Variants in PUM2 observed in about 807,000 individuals in gnomAD.
PUM2 encodes the protein pumilio homolog 2.
Under a neutral mutation model 124.5 loss-of-function variants are expected in PUM2, and 57 were observed. The ratio of observed to expected loss-of-function variants is 0.46; its 90% CI spans 0.37 to 0.57. The LOEUF is 0.57. PUM2 is among the 20% of genes least tolerant of loss of function. PUM2 has a pLI of 0.00. For missense variants in PUM2, 1,065 were observed against 1,290.6 expected (o/e 0.83, Z 2.68); for synonymous variants, 460 against 446.1 (o/e 1.03, Z -0.39).
In PUM2 at chr2:20,275,613, G is replaced by A. The variant is rs560081491; in HGVS notation, c.1957+2970C>T. 3.9e-5 allele frequency among the ~76,000 whole-genome samples: 6 copies of A among 152,152 alleles called. No individual in the cohort carries two copies. The East Asian group carries it at 5.8e-4, about 15-fold the overall frequency. The stretch of plus-strand genomic sequence containing the variant: ...TCTCACAATGGAGACAACCAAACAC[G>A]TGTCTCCCGATACAGTGCAACAAAA... On this transcript the variant is annotated intron_variant, in intron 13 of 20. Coordinates refer to ENST00000361078, the MANE Select transcript of PUM2 (RefSeq NM_015317.5).
Position 20,253,914 on chromosome 2 carries a change from A to G in PUM2, c.2971T>C (p.Tyr991His), listed in dbSNP as rs1664119761. 2 of 1,613,888 alleles carry G rather than the reference A, an allele frequency of 1.2e-6. No individual in the cohort carries two copies. Among genetic ancestry groups the G allele is most frequent in the Non-Finnish European group, 1.7e-6 (2 of 1,179,770 alleles). ...CQNDGPHSAL[Y>H]TMMKDQYANY... ...GCATACTGGTCCTTCATCATGGTGT[A>G]TAAGGCACTGTGAGGACCATCATTC... The change falls in exon 20 of 21, where the codon TAC becomes CAC. Residue 991 changes from tyrosine (Y) to histidine (H), a missense_variant. Around this residue, in one of 3 missense-constraint regions of PUM2, gnomAD observed 968 missense variants for 1,159.8 expected, o/e 0.83. Coordinates refer to ENST00000361078, the MANE Select transcript of PUM2 (RefSeq NM_015317.5).
intron 13 of PUM2, among the ~76,000 whole-genome samples, chr2:20,278,063 A>T (rs1382046028): frequency 6.6e-6 from 1 of 152,178 alleles, no homozygotes; most frequent in Non-Finnish European, 1.5e-5. Flanking sequence ...TAACATATCC[A>T]AAAAAGAAGT....
rs948161698 is a variant in PUM2 at position 20,283,419 on chromosome 2, T to C, written c.1359A>G (p.Ala453=). Residue 453 remains alanine, a synonymous_variant, in exon 11 of 21, where the codon GCA becomes GCG. Transcript: ENST00000361078. ...GAACTGGAGCTCCAAGGCCAGTCCTTGCTCCAGGGCCAACCACTAAGGCAC... is the reference window on the plus strand; with the variant it reads ...GAACTGGAGCTCCAAGGCCAGTCCTCGCTCCAGGGCCAACCACTAAGGCAC... ...QTGALVVGPG[A]RTGLGAPVRL... is the part of the protein sequence containing the mutation. 2 of 1,613,976 alleles carry C rather than the reference T, an allele frequency of 1.2e-6. No individual in the cohort carries two copies. The highest frequency in any genetic ancestry group is 1.3e-5 in the African/African-American group (1 of 74,946).
intron 10 of PUM2, among the ~76,000 whole-genome samples, chr2:20,286,082 A>T (rs1475043555): frequency 6.6e-6 from 1 of 152,186 alleles, no homozygotes; most frequent in Non-Finnish European, 1.5e-5. Context: ...GGTCACTGTT[A>T]ATAACTTGAG....
At chr2:20,253,337 C>A (rs146401865) in intron 20 of PUM2, among the ~76,000 whole-genome samples, 385 of 152,270 alleles carry the variant, frequency 2.5e-3, no homozygotes, top group Admixed American at 6.5e-3. Flanking sequence ...GCCTGAGTAG[C>A]TGGGACCACA....
At chr2:20,305,438 G>T (rs114319991) in intron 7 of PUM2, among the ~76,000 whole-genome samples, 1,905 of 142,532 alleles carry the variant, frequency 0.013, 66 homozygotes, top group African/African-American at 0.046. Context: ...CTCCAGTCTG[G>T]GTGACAGAGT....
intron 7 of PUM2, among the ~76,000 whole-genome samples, chr2:20,302,823 A>C (rs1415698348): frequency 6.6e-6 from 1 of 152,230 alleles, no homozygotes; most frequent in Non-Finnish European, 1.5e-5. Flanking sequence ...TGCAGAAAGA[A>C]ATGCAGAAAC....
intron 1 of PUM2, among the ~76,000 whole-genome samples, chr2:20,348,719 C>G (rs1331662458): frequency 2.6e-5 from 4 of 152,020 alleles, no homozygotes; most frequent in East Asian, 3.9e-4. Context: ...CGCTTGAGAT[C>G]GGAGTTCAGC....
At chr2:20,322,193 C>T (rs7565347) in intron 2 of PUM2, among the ~76,000 whole-genome samples, 10,159 of 152,102 alleles carry the variant, frequency 0.067, 498 homozygotes, top group African/African-American at 0.14. Context: ...TATTAATAAT[C>T]ATGCCATGAG....
chr2:20,312,877 A>T (rs1558620830), intron 3 of PUM2, among the ~76,000 whole-genome samples: 1 of 152,190 alleles, frequency 6.6e-6, no homozygotes, highest in Non-Finnish European at 1.5e-5. Context: ...AGATATATAG[A>T]TCAACGGAAC....
intron 10 of PUM2, among the ~76,000 whole-genome samples, chr2:20,286,430 A>G (rs1342405902): frequency 6.6e-6 from 1 of 152,228 alleles, no homozygotes. Context: ...TATGATAAAG[A>G]TGGACATCAT....
In PUM2 at chr2:20,268,478, T is replaced by C. The variant is rs1259989063; in HGVS notation, c.1958-5018A>G. 3.9e-5 allele frequency among the ~76,000 whole-genome samples: 6 copies of C among 151,910 alleles called. No homozygotes were observed. The East Asian group carries it at 1.2e-3, about 29-fold the overall frequency. On this transcript the variant is annotated intron_variant, in intron 13 of 20. Coordinates refer to ENST00000361078, the MANE Select transcript of PUM2 (RefSeq NM_015317.5). ...TGTATGTGTAAAAAAATTAGCTGGG[T>C]GTGGTGGCGTACGCCTGTAGTCCCA...
intron 9 of PUM2, among the ~76,000 whole-genome samples, chr2:20,292,296 G>GTT (rs76264694): frequency 8.0e-5 from 11 of 138,314 alleles, no homozygotes; most frequent in African/African-American, 7.9e-5. Context: ...ACAGTTGGTA[G>GTT]TTTTTTTTTT....
intron 7 of PUM2, among the ~76,000 whole-genome samples, chr2:20,301,287 A>G (rs184903576): frequency 1.3e-5 from 2 of 152,314 alleles, no homozygotes; most frequent in South Asian, 2.1e-4. Context: ...TCTATCATGA[A>G]TTATCTTTAT....
chr2:20,321,267 C>G (rs952537064), intron 2 of PUM2, among the ~76,000 whole-genome samples: 1 of 151,776 alleles, frequency 6.6e-6, no homozygotes, highest in African/African-American at 2.4e-5. Context: ...AGCCTGGCGA[C>G]AGAGCGAGAC....
chr2:20,266,398 T>C (rs958547507), intron 13 of PUM2, among the ~76,000 whole-genome samples: 2 of 149,866 alleles, frequency 1.3e-5, no homozygotes, highest in Non-Finnish European at 3.0e-5. Flanking sequence ...TGAGATGAGA[T>C]TGTGCCACTG....
chr2:20,261,312 A>C (rs1666149272), intron 14 of PUM2, among the ~76,000 whole-genome samples: 1 of 145,292 alleles, frequency 6.9e-6, no homozygotes, highest in Admixed American at 7.1e-5. Context: ...AATCACTTGA[A>C]CCCAGGAGGC....
At position 20,278,792 on chromosome 2, in the gene PUM2, G is replaced by A; in HGVS notation, c.1748C>T (p.Thr583Ile). 2 of 1,613,072 alleles carry A rather than the reference G, an allele frequency of 1.2e-6. No individual in the cohort carries two copies. Among genetic ancestry groups the A allele is most frequent in the Non-Finnish European group, 1.7e-6 (2 of 1,179,386 alleles). Residue 583 changes from threonine (T) to isoleucine (I), a missense_variant, in exon 13 of 21, where the codon ACA becomes ATA. Coordinates refer to ENST00000361078, the MANE Select transcript of PUM2 (RefSeq NM_015317.5). ...GCTAGTAGATAGAGACTCTCTCCTT[G>A]TGGCACTACTACTTGCAGAACTGCC... ...SVGSSASSSA[T>I]RRESLSTSSD...
chr2:20,350,695 G>C lies in PUM2; in HGVS notation c.-117C>G. The C allele has an allele frequency of 3.0e-6, 3 of 984,182 alleles. No individual in the cohort carries two copies. The highest frequency in any genetic ancestry group is 9.4e-5 in the South Asian group (2 of 21,240). 61.0% of individuals were successfully genotyped at this position (984,182 alleles called of 1,614,324 possible). On this transcript the variant is annotated 5_prime_UTR_variant, in exon 1 of 21. Coordinates refer to ENST00000361078, the MANE Select transcript of PUM2 (RefSeq NM_015317.5). ...TCCTCCCCCTCCTCCGCCTTCGGTG[G>C]CGGCAATGTCTTCTTTCTCCACCTA... is the stretch of plus-strand genomic sequence containing the variant.
Sources: gnomAD v4.1 joint callset for allele counts (sites outside exome capture counted in the v4.1 genomes callset) on GRCh38, gnomAD v4.1.1 for gene constraint, gnomAD v4.1.1 regional missense constraint, MANE v1.5 for transcripts, NCBI Gene and HGNC (gene_info 2026-07-23, HGNC 2026-07-21) for gene names.